The following IGF1R variants were observed in gnomAD, a reference collection of about 807,000 sequenced individuals.
The protein encoded by IGF1R is insulin-like growth factor 1 receptor.
Under a neutral mutation model 144.6 loss-of-function variants are expected in IGF1R, and 44 were observed. The observed-to-expected ratio is 0.30, with a 90% CI of 0.24 to 0.39. IGF1R has a LOEUF of 0.39. Among genes scored for constraint, IGF1R ranks in the 10% least tolerant of loss-of-function variants. IGF1R has a pLI of 1.00. For synonymous variants in IGF1R, 795 were observed against 722.8 expected, an observed-to-expected ratio of 1.10 and a Z score of -1.60; for missense variants, 1,355 against 1,833.7, an observed-to-expected ratio of 0.74 and a Z score of 4.77.
intron 4 of IGF1R, among the ~76,000 whole-genome samples, chr15:98,898,399 A>T (rs2014310476): frequency 6.6e-6 from 1 of 152,196 alleles, no homozygotes; most frequent in Admixed American, 6.5e-5. Flanking sequence ...CAGGAAATAG[A>T]TTGGATTTAG....
At position 98,707,075 on chromosome 15, in the gene IGF1R, C is replaced by T. The variant is rs28393785; in HGVS notation, c.95-487C>T. On this transcript the variant is annotated intron_variant, in intron 1 of 20. Coordinates refer to ENST00000650285, the MANE Select transcript of IGF1R (RefSeq NM_000875.5). The surrounding 1 kb of genome is among the most constrained non-coding windows in gnomAD (Gnocchi z 6.7). ...GTCCCCACTTTACAAGTCACAGTGA[C>T]GGTTCTCCAGTGTAGAGTAGATTGA... Among the ~76,000 whole-genome samples, 12,307 of 152,166 alleles carry T rather than the reference C, an allele frequency of 0.081. 1,440 individuals carry two copies. Among genetic ancestry groups the T allele is most frequent in the African/African-American group, 0.26 (10,734 of 41,466 alleles).
intron 2 of IGF1R, among the ~76,000 whole-genome samples, chr15:98,807,745 C>G (rs2056499077): frequency 6.6e-6 from 1 of 152,250 alleles, no homozygotes; most frequent in African/African-American, 2.4e-5. Context: ...AGCCACTTCA[C>G]TTTTGTCATA....
At chr15:98,789,801 G>T (rs941015189) in intron 2 of IGF1R, among the ~76,000 whole-genome samples, 35 of 152,118 alleles carry the variant, frequency 2.3e-4, no homozygotes, top group African/African-American at 8.5e-4. Context: ...GCCTTGGGAG[G>T]GTCCTCAGCT....
At position 98,771,906 on chromosome 15, in the gene IGF1R, A is replaced by AT. The variant is rs542931454; in HGVS notation, c.640+63811dup. Among the ~76,000 whole-genome samples the AT allele has an allele frequency of 2.2e-3, 313 of 144,570 alleles. 1 individual carries two copies. Among genetic ancestry groups the AT allele is most frequent in the Non-Finnish European group, 2.1e-3 (140 of 65,450 alleles). The allele number at this position is 144,570 out of a possible 152,430, so 94.8% of individuals were successfully genotyped here. On this transcript the variant is annotated intron_variant, in intron 2 of 20. Transcript: ENST00000650285. ...CCCTCCTTCCTTCTTCTCCACTGAC[A>AT]TTTTTTTTTTTTAAATAGGTAGGGA...
chr15:98,801,377 G>C (rs1242756457), intron 2 of IGF1R, among the ~76,000 whole-genome samples: 1 of 152,174 alleles, frequency 6.6e-6, no homozygotes, highest in African/African-American at 2.4e-5. Flanking sequence ...CTTCCTGCTG[G>C]GGGCAGAACA....
intron 2 of IGF1R, chr15:98,890,813 T>C (rs1200932948): frequency 1.2e-5 from 2 of 169,310 alleles, no homozygotes; most frequent in Non-Finnish European, 2.6e-5. Context: ...TTGAATGGTA[T>C]CATCTTTACT....
At chr15:98,761,420 G>T (rs952273403) in intron 2 of IGF1R, among the ~76,000 whole-genome samples, 1 of 152,236 alleles carries the variant, frequency 6.6e-6, no homozygotes, top group East Asian at 1.9e-4. Flanking sequence ...CATGGACGGG[G>T]AAGCATTCAT....
At chr15:98,922,680 T>G (rs554332473) in intron 11 of IGF1R, among the ~76,000 whole-genome samples, 1 of 152,346 alleles carries the variant, frequency 6.6e-6, no homozygotes, top group East Asian at 1.9e-4. Flanking sequence ...GGGAGCTGTC[T>G]GCAGGGTCCA....
intron 2 of IGF1R, among the ~76,000 whole-genome samples, chr15:98,866,218 G>C (rs1457150694): frequency 6.6e-6 from 1 of 152,158 alleles, no homozygotes; most frequent in Non-Finnish European, 1.5e-5. Flanking sequence ...TCCACAGGAA[G>C]ACGCCTCTGT....
At chr15:98,939,097 A>G (rs1483404762) in intron 17 of IGF1R, 104 bp from the exon 18 acceptor site, 3 of 927,378 alleles carry the variant, frequency 3.2e-6, no homozygotes, top group Non-Finnish European at 5.2e-6. Context: ...TAAACAACCC[A>G]CGGTGCCCAG....
chr15:98,700,468 G>A (rs1048671748), intron 1 of IGF1R, among the ~76,000 whole-genome samples: 2 of 152,176 alleles, frequency 1.3e-5, no homozygotes, highest in Admixed American at 1.3e-4. Context: ...TCACAGGGTG[G>A]TGCTTAGGCC....
At chr15:98,771,013 A>G (rs913268402) in intron 2 of IGF1R, among the ~76,000 whole-genome samples, 3 of 152,228 alleles carry the variant, frequency 2.0e-5, no homozygotes, top group Admixed American at 2.0e-4. Context: ...TTAAAGGTGG[A>G]GAATTGCTAC....
rs554579199 is a variant in IGF1R at position 98,909,888 on chromosome 15, G to A, written c.1462+989G>A. Among the ~76,000 whole-genome samples the A allele has an allele frequency of 2.5e-4, 38 of 152,304 alleles. 2 individuals carry two copies. Among genetic ancestry groups the A allele is most frequent in the African/African-American group, 7.7e-4 (32 of 41,558 alleles). ...TCTCATCTAACCCTGTGTAGAATACGGCTGTTGAGAATGGCGTGGCTCTCT... is the reference window on the plus strand; with the variant it reads ...TCTCATCTAACCCTGTGTAGAATACAGCTGTTGAGAATGGCGTGGCTCTCT... On this transcript the variant is annotated intron_variant, in intron 6 of 20. Coordinates refer to ENST00000650285, the MANE Select transcript of IGF1R (RefSeq NM_000875.5).
At chr15:98,896,571 T>TGTGA in intron 3 of IGF1R, among the ~76,000 whole-genome samples, 186 bp from the exon 4 acceptor site, 1 of 152,320 alleles carries the variant, frequency 6.6e-6, no homozygotes. Flanking sequence ...TTGCTTGCAA[T>TGTGA]GTGAGTGGCT....
At chr15:98,656,092 A>G (rs563363198) in intron 1 of IGF1R, among the ~76,000 whole-genome samples, 126 of 152,346 alleles carry the variant, frequency 8.3e-4, no homozygotes, top group African/African-American at 2.8e-3. Context: ...TACGATTGCA[A>G]TATAAGTTGT....
chr15:98,853,754 C>T (rs1043722303), intron 2 of IGF1R, among the ~76,000 whole-genome samples: 2 of 152,206 alleles, frequency 1.3e-5, no homozygotes, highest in African/African-American at 2.4e-5. Context: ...CCCTGCGCCC[C>T]GTCTCAGCCC....
Position 98,691,514 on chromosome 15 carries a change from C to T in IGF1R, c.95-16048C>T, listed in dbSNP as rs146708030. Among the ~76,000 whole-genome samples the T allele has an allele frequency of 9.8e-3, 1,493 of 152,120 alleles. 19 individuals are homozygous for T. The highest frequency in any genetic ancestry group is 0.034 in the African/African-American group (1,421 of 41,462). On this transcript the variant is annotated intron_variant, in intron 1 of 20. Transcript: ENST00000650285. ...GAGTAGCTGGGATTACAGGTGCCTG[C>T]CACCACACCCAACTAATTTTTGTAT...
At chr15:98,887,239 A>C (rs1034854132) in intron 2 of IGF1R, among the ~76,000 whole-genome samples, 1 of 151,452 alleles carries the variant, frequency 6.6e-6, no homozygotes, top group Non-Finnish European at 1.5e-5. Context: ...GTATAATTTC[A>C]CTCACTCCTT....
chr15:98,762,686 T>C (rs2055335892), intron 2 of IGF1R, among the ~76,000 whole-genome samples: 1 of 149,900 alleles, frequency 6.7e-6, no homozygotes, highest in African/African-American at 2.5e-5. Context: ...CGAGATTGCA[T>C]CATTATGCTC....
Sources: allele counts gnomAD v4.1 joint callset (sites outside exome capture counted in the v4.1 genomes callset), GRCh38; gene constraint gnomAD v4.1.1; non-coding constraint Gnocchi (gnomAD v3.1); transcripts MANE v1.5; gene names NCBI Gene and HGNC (gene_info 2026-07-23, HGNC 2026-07-21).